Variants in PRKCA observed in about 807,000 individuals in gnomAD.
The protein encoded by PRKCA is protein kinase C alpha.
In PRKCA, 27 loss-of-function variants were observed where a neutral mutation model predicts 87.0. The ratio of observed to expected loss-of-function variants is 0.31; its 90% confidence interval spans 0.23 to 0.43. PRKCA has a LOEUF of 0.43. PRKCA is among the 20% of genes least tolerant of loss of function. The pLI, the probability that PRKCA is intolerant of heterozygous loss-of-function variation, is 1.00. For missense variants in PRKCA, 518 were observed against 852.3 expected, an observed-to-expected ratio of 0.61 and a Z score of 4.88; for synonymous variants, 329 against 311.1, an observed-to-expected ratio of 1.06 and a Z score of -0.61.
chr17:66,549,292 C>T lies in PRKCA; in HGVS notation c.288+53009C>T, dbSNP rs537922145. 2.0e-5 allele frequency among the ~76,000 whole-genome samples: 3 copies of T among 152,210 alleles called. No individual in the cohort carries two copies. In the East Asian group the frequency reaches 5.8e-4, roughly 29 times the overall value. ...TGTGGGTGGAGCTCGGATGCATGCT[C>T]AGTCCTTCGTCCAGAGCCTGGGCTC... On this transcript the variant is annotated intron_variant, in intron 3 of 16. Transcript: ENST00000413366.
chr17:66,678,426 T>G (rs989744686), intron 5 of PRKCA, among the ~76,000 whole-genome samples: 1 of 152,228 alleles, frequency 6.6e-6, no homozygotes, highest in Non-Finnish European at 1.5e-5. Context: ...CACAGGAAAC[T>G]GAGGATACCT....
chr17:66,635,441 T>C (rs1971127835), intron 3 of PRKCA, among the ~76,000 whole-genome samples: 1 of 152,208 alleles, frequency 6.6e-6, no homozygotes, highest in African/African-American at 2.4e-5. Flanking sequence ...ACATTTTGCC[T>C]GAGCTCTCAT....
chr17:66,770,208 G>A (rs1974902766), intron 13 of PRKCA, among the ~76,000 whole-genome samples: 1 of 152,182 alleles, frequency 6.6e-6, no homozygotes, highest in Non-Finnish European at 1.5e-5. Context: ...CATGCATCCA[G>A]TCACTTATCT....
At chr17:66,682,307 A>G (rs1354609934) in intron 5 of PRKCA, among the ~76,000 whole-genome samples, 1 of 152,258 alleles carries the variant, frequency 6.6e-6, no homozygotes, top group South Asian at 2.1e-4. Flanking sequence ...TGATAATTTC[A>G]GAGCAGCCAT....
chr17:66,766,795 C>T (rs1388513405), intron 13 of PRKCA, among the ~76,000 whole-genome samples: 7 of 135,708 alleles, frequency 5.2e-5, no homozygotes, highest in African/African-American at 1.4e-4. Flanking sequence ...GTAACAAAAG[C>T]GAAACTCCTT....
intron 2 of PRKCA, among the ~76,000 whole-genome samples, chr17:66,493,151 G>T (rs1026847915): frequency 6.6e-6 from 1 of 152,012 alleles, no homozygotes; most frequent in African/African-American, 2.4e-5. Context: ...TTTAAAATGT[G>T]TATTTTTACA....
chr17:66,508,822 T>G (rs904471167), intron 3 of PRKCA, among the ~76,000 whole-genome samples: 1 of 152,210 alleles, frequency 6.6e-6, no homozygotes, highest in South Asian at 2.1e-4. Context: ...GTCTTTCATA[T>G]TGCCACCCCG....
rs1038733306 is a variant in PRKCA, at chr17:66,788,687, G to A, written c.1714-152G>A. ...CATTTTTGTGAGTTGGCTTCACTTC[G>A]TACAAGCCACTGAGTGTCTTGGTCA... On this transcript the variant is annotated intron_variant, in intron 15 of 16. Transcript: ENST00000413366. 5.2e-5 allele frequency: 46 copies of A among 876,822 alleles called. 1 individual carries two copies. The East Asian group carries it at 1.2e-3, about 22-fold the overall frequency. The allele number at this position is 876,822 out of a possible 1,614,324, so 54.3% of individuals were successfully genotyped here.
At chr17:66,525,563 A>G (rs1967317912) in intron 3 of PRKCA, among the ~76,000 whole-genome samples, 1 of 152,186 alleles carries the variant, frequency 6.6e-6, no homozygotes. Context: ...TGGTTAGTGA[A>G]GGGTGGAAGA....
chr17:66,717,063 C>T (rs1270593825), intron 8 of PRKCA, among the ~76,000 whole-genome samples: 1 of 152,158 alleles, frequency 6.6e-6, no homozygotes, highest in African/African-American at 2.4e-5. Context: ...TGATTTAATT[C>T]TAGTGCTCTT....
chr17:66,678,275 C>G (rs1972390260), intron 5 of PRKCA, among the ~76,000 whole-genome samples: 3 of 152,186 alleles, frequency 2.0e-5, no homozygotes, highest in Admixed American at 2.0e-4. Flanking sequence ...TCCTCTAGAG[C>G]CTCCAGAAGG....
chr17:66,724,432 A>G (rs1973691918), intron 8 of PRKCA, among the ~76,000 whole-genome samples: 1 of 152,200 alleles, frequency 6.6e-6, no homozygotes. Context: ...ACTGCTGCTC[A>G]GAGCCTGGTC....
At chr17:66,308,104 G>T (rs1002425736) in intron 2 of PRKCA, among the ~76,000 whole-genome samples, 3 of 152,048 alleles carry the variant, frequency 2.0e-5, no homozygotes, top group African/African-American at 7.2e-5. Context: ...TTTGTAATTC[G>T]TTCTTACTAG....
intron 2 of PRKCA, among the ~76,000 whole-genome samples, chr17:66,490,330 TC>T (rs1235249331): frequency 6.6e-6 from 1 of 151,172 alleles, no homozygotes; most frequent in Non-Finnish European, 1.5e-5. Context: ...ATCACTACCA[TC>T]CATTTCCAGA....
At chr17:66,684,730 C>G (rs1055291466) in intron 5 of PRKCA, among the ~76,000 whole-genome samples, 8 of 152,126 alleles carry the variant, frequency 5.3e-5, no homozygotes, top group African/African-American at 1.9e-4. Context: ...AGCCAGCACC[C>G]GCAATAATTC....
At chr17:66,714,629 C>G (rs1973427736) in intron 8 of PRKCA, among the ~76,000 whole-genome samples, 1 of 152,262 alleles carries the variant, frequency 6.6e-6, no homozygotes, top group African/African-American at 2.4e-5. Flanking sequence ...CAGCAGCCAC[C>G]AGCCCCGAGC....
intron 2 of PRKCA, chr17:66,415,647 A>G (rs1434813945): frequency 6.6e-6 from 1 of 152,210 alleles, no homozygotes; most frequent in African/African-American, 2.4e-5. Context: ...CGTTCAAAGA[A>G]GTGTTCAGCT....
intron 13 of PRKCA, among the ~76,000 whole-genome samples, chr17:66,763,098 A>G (rs1190435103): frequency 6.6e-6 from 1 of 152,162 alleles, no homozygotes; most frequent in Non-Finnish European, 1.5e-5. Flanking sequence ...GCTTGAAAAC[A>G]TTTTTCTAAA....
intron 3 of PRKCA, among the ~76,000 whole-genome samples, chr17:66,560,253 A>G (rs926156170): frequency 6.6e-6 from 1 of 150,400 alleles, no homozygotes; most frequent in African/African-American, 2.4e-5. Context: ...AAAAAAAAAT[A>G]TGAAGAAATT....
Sources: allele counts gnomAD v4.1 joint callset (sites outside exome capture counted in the v4.1 genomes callset), GRCh38; gene constraint gnomAD v4.1.1; transcripts MANE v1.5; gene names NCBI Gene and HGNC (gene_info 2026-07-23, HGNC 2026-07-21).